Variants in MRS2 observed in about 807,000 individuals in gnomAD.
The protein encoded by MRS2 is magnesium transporter MRS2.
In MRS2, 40 loss-of-function variants were observed where a neutral mutation model predicts 52.6. The observed-to-expected ratio is 0.76, with a 90% CI of 0.59 to 0.99. MRS2 has a LOEUF of 0.99. MRS2 is among the 50% of genes least tolerant of loss of function. MRS2 has a pLI of 0.00. For synonymous variants in MRS2, 193 were observed against 195.9 expected (o/e 0.98, Z 0.13); for missense variants, 472 against 532.7 (o/e 0.89, Z 1.12).
chr6:24,419,888 G>A (rs1339805634), intron 9 of MRS2, among the ~76,000 whole-genome samples: 1 of 152,176 alleles, frequency 6.6e-6, no homozygotes, highest in Non-Finnish European at 1.5e-5. Flanking sequence ...ATAGCTTATT[G>A]TAAGTTTTCT....
At chr6:24,403,634 G>A (rs976892332) in intron 1 of MRS2, among the ~76,000 whole-genome samples, 2 of 152,204 alleles carry the variant, frequency 1.3e-5, no homozygotes, top group Non-Finnish European at 2.9e-5. Flanking sequence ...GCCCAGGCTG[G>A]ACTCAAACTC....
chr6:24,420,161 C>T (rs1008229129), intron 9 of MRS2, among the ~76,000 whole-genome samples: 1 of 152,226 alleles, frequency 6.6e-6, no homozygotes, highest in Non-Finnish European at 1.5e-5. Context: ...TACTACCTCT[C>T]TCAGTGTCCT....
chr6:24,415,914 T>G (rs1761833958), intron 6 of MRS2, among the ~76,000 whole-genome samples: 1 of 152,128 alleles, frequency 6.6e-6, no homozygotes, highest in African/African-American at 2.4e-5. Context: ...CTCAGCTCAC[T>G]GCAGCCTTGG....
In MRS2 at chr6:24,402,976, G is replaced by A; in HGVS notation, c.-71G>A. The A allele has an allele frequency of 7.0e-7, 1 of 1,423,248 alleles. No homozygotes were observed. The highest frequency in any genetic ancestry group is 9.4e-7 in the Non-Finnish European group (1 of 1,062,218). 88.2% of individuals were successfully genotyped at this position (1,423,248 alleles called of 1,614,324 possible). On this transcript the variant is annotated 5_prime_UTR_variant, in exon 1 of 11. Coordinates refer to ENST00000378386, the MANE Select transcript of MRS2 (RefSeq NM_020662.4). ...CGGGCGGTAGCGACAGGTCAGAGCT[G>A]CGGCCTGAGCAGCCAGCGTCCGGCA...
chr6:24,409,744 AT>A (rs1452505316), intron 4 of MRS2, among the ~76,000 whole-genome samples, 171 bp downstream of exon 4: 1 of 152,326 alleles, frequency 6.6e-6, no homozygotes, highest in Admixed American at 6.5e-5. Flanking sequence ...CTCATTTTAT[AT>A]GGATTATATG....
chr6:24,413,933 T>G (rs1255873632), intron 5 of MRS2, among the ~76,000 whole-genome samples: 1 of 152,248 alleles, frequency 6.6e-6, no homozygotes, highest in East Asian at 1.9e-4. Context: ...CATACTTGTG[T>G]TAACCTAAAT....
intron 5 of MRS2, among the ~76,000 whole-genome samples, chr6:24,413,602 A>G (rs1451923846): frequency 6.6e-6 from 1 of 152,162 alleles, no homozygotes; most frequent in South Asian, 2.1e-4. Context: ...TCTTAGATTA[A>G]AAGATGTGGT....
chr6:24,420,005 C>G (rs1379609701), intron 9 of MRS2, among the ~76,000 whole-genome samples: 1 of 152,226 alleles, frequency 6.6e-6, no homozygotes. Context: ...ATTAGGACCA[C>G]TATGCCCTTT....
At chr6:24,423,093 G>T (rs1031408657) in intron 10 of MRS2, 43 bp downstream of exon 10, 5 of 1,498,850 alleles carry the variant, frequency 3.3e-6, no homozygotes, top group South Asian at 1.2e-5. Flanking sequence ...GAAGGGTTAT[G>T]ATCATGGGCC....
intron 4 of MRS2, among the ~76,000 whole-genome samples, chr6:24,410,120 C>G (rs1417373658): frequency 6.6e-6 from 1 of 152,106 alleles, no homozygotes; most frequent in Non-Finnish European, 1.5e-5. Context: ...GCTGGGATTA[C>G]AGGCATAAGC....
At chr6:24,404,640 G>T (rs956056474) in intron 1 of MRS2, among the ~76,000 whole-genome samples, 1 of 152,126 alleles carries the variant, frequency 6.6e-6, no homozygotes, top group Non-Finnish European at 1.5e-5. Context: ...TCAGCTCAGT[G>T]GGGGTATTTC....
intron 3 of MRS2, among the ~76,000 whole-genome samples, 173 bp downstream of exon 3, chr6:24,408,617 CTG>C (rs1197048073): frequency 1.3e-5 from 2 of 152,216 alleles, no homozygotes; most frequent in South Asian, 2.1e-4. Flanking sequence ...AATACTCAGA[CTG>C]TGTGTATTCT....
At chr6:24,414,254 T>G (rs1402962444) in intron 5 of MRS2, among the ~76,000 whole-genome samples, 1 of 152,080 alleles carries the variant, frequency 6.6e-6, no homozygotes, top group Non-Finnish European at 1.5e-5. Context: ...CAGATAAACA[T>G]GTGAACAAGG....
chr6:24,406,635 C>T lies in MRS2; in HGVS notation c.264+1394C>T, dbSNP rs563553575. Among the ~76,000 whole-genome samples, 213 of 152,136 alleles carry T rather than the reference C, an allele frequency of 1.4e-3. 1 individual carries two copies. The highest frequency in any genetic ancestry group is 4.7e-3 in the African/African-American group (197 of 41,526). On this transcript the variant is annotated intron_variant, in intron 2 of 10. Transcript: ENST00000378386. Reference sequence around the variant, plus strand: ...CTAAAAAACAAAAAAATTAGCCAGGCGTGGTGGTGCACGCCTGTAGTCCCA... The same window carrying T: ...CTAAAAAACAAAAAAATTAGCCAGGTGTGGTGGTGCACGCCTGTAGTCCCA...
intron 9 of MRS2, among the ~76,000 whole-genome samples, chr6:24,422,098 C>G (rs144628140): frequency 3.9e-5 from 6 of 152,288 alleles, no homozygotes; most frequent in Admixed American, 2.6e-4. Context: ...TGCAGTGAGC[C>G]AAGATTGAGC....
At chr6:24,411,619 A>G (rs1054372033) in intron 4 of MRS2, among the ~76,000 whole-genome samples, 3 of 152,154 alleles carry the variant, frequency 2.0e-5, no homozygotes, top group Non-Finnish European at 4.4e-5. Context: ...GCTCACTGCA[A>G]ACTCCGCCTC....
chr6:24,403,903 T>C (rs1463503343), intron 1 of MRS2, among the ~76,000 whole-genome samples: 1 of 152,114 alleles, frequency 6.6e-6, no homozygotes, highest in Non-Finnish European at 1.5e-5. Flanking sequence ...TACTTTCAAC[T>C]ACAGTACTCT....
At chr6:24,406,182 A>T (rs1233347597) in intron 2 of MRS2, among the ~76,000 whole-genome samples, 1 of 151,678 alleles carries the variant, frequency 6.6e-6, no homozygotes, top group Admixed American at 6.6e-5. Context: ...CTTATTGACT[A>T]GGTGGCCTTG....
intron 5 of MRS2, among the ~76,000 whole-genome samples, chr6:24,413,518 CCTAT>C (rs1761737310): frequency 1.3e-5 from 2 of 152,092 alleles, no homozygotes; most frequent in Admixed American, 6.5e-5. Context: ...TCACAAATAC[CCTAT>C]CTGTGACCCT....
Sources: gnomAD v4.1 joint callset for allele counts (sites outside exome capture counted in the v4.1 genomes callset) on GRCh38, gnomAD v4.1.1 for gene constraint, MANE v1.5 for transcripts, NCBI Gene and HGNC (gene_info 2026-07-23, HGNC 2026-07-21) for gene names.